BANP: variants seen among roughly 807,000 people sequenced by gnomAD.
BANP encodes the protein protein BANP.
In BANP, 11 loss-of-function variants were observed where a neutral mutation model predicts 68.1. That is an observed-to-expected ratio of 0.16 (90% CI 0.10 to 0.27). The LOEUF (loss-of-function observed/expected upper bound fraction) is 0.27, where lower values mean the gene tolerates loss of function less well. Among genes scored for constraint, BANP ranks in the 10% least tolerant of loss-of-function variants. The pLI is 1.00. For missense variants in BANP, 504 were observed against 722.7 expected (o/e 0.70, Z 3.47); for synonymous variants, 329 against 303.2 (o/e 1.09, Z -0.88).
At chr16:87,976,894 C>T (rs1056154650) in intron 2 of BANP, among the ~76,000 whole-genome samples, 1 of 152,184 alleles carries the variant, frequency 6.6e-6, no homozygotes, top group Non-Finnish European at 1.5e-5. Context: ...ATGACAGTTT[C>T]TTTAGAAAAC....
At chr16:88,046,709 G>A (rs941662037) in intron 11 of BANP, among the ~76,000 whole-genome samples, 12 of 151,006 alleles carry the variant, frequency 7.9e-5, no homozygotes, top group Admixed American at 4.0e-4. Flanking sequence ...CACCGCACCC[G>A]GCTAATTTTT....
chr16:87,957,303 C>T lies in BANP; in HGVS notation c.-69+5788C>T, dbSNP rs865799161. Among the ~76,000 whole-genome samples, 38 of 152,194 alleles carry T rather than the reference C, an allele frequency of 2.5e-4. No homozygotes were observed. Among genetic ancestry groups the T allele is most frequent in the African/African-American group, 8.7e-4 (36 of 41,524 alleles). On this transcript the variant is annotated intron_variant, in intron 1 of 13. Transcript: ENST00000682872. The surrounding 1 kb of genome is among the most constrained non-coding windows in gnomAD (Gnocchi z 4.3). ...TGTGGAAGGACACATGGAGCAGAGG[C>T]GGCTGAGGAGGTGAAAGGCTGAGAG...
chr16:88,035,127 C>T (rs780826664), intron 9 of BANP, 196 bp from the exon 10 acceptor site: 2 of 595,474 alleles, frequency 3.4e-6, no homozygotes, highest in Non-Finnish European at 6.0e-6. Flanking sequence ...TTGAAACCCT[C>T]ATGGATGAGG....
At chr16:88,040,227 A>ACCCCCTC in intron 11 of BANP, among the ~76,000 whole-genome samples, 1 of 149,076 alleles carries the variant, frequency 6.7e-6, no homozygotes, top group East Asian at 2.0e-4. Context: ...TGTGTAGCGA[A>ACCCCCTC]CCCCCTCGTT....
rs147505981 is a variant in BANP, at chr16:88,013,977, G to A, written c.656-4451G>A. Among the ~76,000 whole-genome samples, 3 of 152,316 alleles carry A rather than the reference G, an allele frequency of 2.0e-5. No homozygotes were observed. In the East Asian group the frequency reaches 5.8e-4, roughly 29 times the overall value. On this transcript the variant is annotated intron_variant, in intron 6 of 13. Coordinates refer to ENST00000682872, the MANE Select transcript of BANP (RefSeq NM_001386991.1). ...TGGCTGTGCTGAGCAGGAAGCGCAG[G>A]GCGTGGAGCTGTGAGCCGCAAACAC...
At chr16:88,060,675 G>A (rs1182312062) in intron 11 of BANP, among the ~76,000 whole-genome samples, 2 of 152,172 alleles carry the variant, frequency 1.3e-5, no homozygotes, top group Non-Finnish European at 2.9e-5. Flanking sequence ...TCTTCTCACC[G>A]TCAGCTCTGG....
intron 11 of BANP, among the ~76,000 whole-genome samples, chr16:88,038,764 TC>T (rs2080049352): frequency 6.6e-6 from 1 of 152,138 alleles, no homozygotes; most frequent in Non-Finnish European, 1.5e-5. Flanking sequence ...GGCTGTGTGT[TC>T]CTAGGTCCTG....
At chr16:88,046,609 C>T (rs1019743332) in intron 11 of BANP, among the ~76,000 whole-genome samples, 2 of 151,582 alleles carry the variant, frequency 1.3e-5, no homozygotes, top group Admixed American at 1.3e-4. Context: ...GCAGTGATGC[C>T]ATCTTGGCTC....
intron 2 of BANP, among the ~76,000 whole-genome samples, chr16:87,976,733 A>G (rs2062220841): frequency 6.6e-6 from 1 of 152,150 alleles, no homozygotes; most frequent in South Asian, 2.1e-4. Context: ...TAGTTGTATC[A>G]TGGAAGGGGA....
Position 87,996,252 on chromosome 16 carries a change from G to C in BANP, c.363-8043G>C, listed in dbSNP as rs1474970791. On this transcript the variant is annotated intron_variant, in intron 4 of 13. Transcript: ENST00000682872. ...CTTTCATGGAGCCTAGTCACCGCCT[G>C]AGACCGGGACCCACCTGGCGTCTCA... 3.9e-5 allele frequency among the ~76,000 whole-genome samples: 6 copies of C among 152,224 alleles called. No individual in the cohort carries two copies. The East Asian group carries it at 1.2e-3, about 29-fold the overall frequency.
chr16:88,010,716 A>G (rs1211769529), intron 6 of BANP, among the ~76,000 whole-genome samples: 1 of 151,526 alleles, frequency 6.6e-6, no homozygotes, highest in Admixed American at 6.6e-5. Flanking sequence ...AGTCACACAC[A>G]TCGCAGTCCA....
At chr16:88,056,116 G>T (rs1217028949) in intron 11 of BANP, among the ~76,000 whole-genome samples, 1 of 152,206 alleles carries the variant, frequency 6.6e-6, no homozygotes, top group African/African-American at 2.4e-5. Flanking sequence ...AAGGGAGGCC[G>T]TGGTGTCTCC....
chr16:87,952,876 G>A (rs1434429803), intron 1 of BANP: 2 of 152,168 alleles, frequency 1.3e-5, no homozygotes, highest in Non-Finnish European at 2.9e-5. Context: ...CCTGGCTCAA[G>A]TGATCCTCCC....
chr16:88,033,655 C>T (rs1393671452), intron 9 of BANP, among the ~76,000 whole-genome samples: 1 of 152,168 alleles, frequency 6.6e-6, no homozygotes, highest in Non-Finnish European at 1.5e-5. Context: ...CTTCTAGGAT[C>T]AGTGGCAAAA....
Position 88,071,055 on chromosome 16 carries a change from C to T in BANP, c.1378-1014C>T, listed in dbSNP as rs1168624210. Reference sequence around the variant, plus strand: ...TTGCGGGGGCCAAGTTTGCTCTGTGCAGTGCTGCTGTTGTCCAGGGCAGGT... The same window carrying T: ...TTGCGGGGGCCAAGTTTGCTCTGTGTAGTGCTGCTGTTGTCCAGGGCAGGT... On this transcript the variant is annotated intron_variant, in intron 12 of 13. Coordinates refer to ENST00000682872, the MANE Select transcript of BANP (RefSeq NM_001386991.1). The surrounding 1 kb of genome is among the most constrained non-coding windows in gnomAD (Gnocchi z 6.5). The T allele has an allele frequency of 4.4e-6, 1 of 226,180 alleles. No homozygotes were observed. Among genetic ancestry groups the T allele is most frequent in the Non-Finnish European group, 8.9e-6 (1 of 112,742 alleles). 14.0% of individuals were successfully genotyped at this position (226,180 alleles called of 1,614,324 possible).
chr16:88,046,445 C>A (rs572546642), intron 11 of BANP, among the ~76,000 whole-genome samples: 1 of 152,198 alleles, frequency 6.6e-6, no homozygotes, highest in South Asian at 2.1e-4. Context: ...CTCAGCATAA[C>A]GTGGACGTGC....
intron 11 of BANP, among the ~76,000 whole-genome samples, chr16:88,043,371 A>T (rs2081270350): frequency 1.3e-5 from 2 of 152,050 alleles, no homozygotes; most frequent in Non-Finnish European, 2.9e-5. Flanking sequence ...AGTTGTGGAG[A>T]AATGGCTCCT....
chr16:88,012,231 G>A (rs2073341117), intron 6 of BANP, among the ~76,000 whole-genome samples: 1 of 152,224 alleles, frequency 6.6e-6, no homozygotes, highest in Admixed American at 6.5e-5. Context: ...GCTGCCTTTA[G>A]GTTTGAATTC....
chr16:88,027,879 A>T (rs556134804), intron 8 of BANP, among the ~76,000 whole-genome samples: 1 of 152,360 alleles, frequency 6.6e-6, no homozygotes, highest in African/African-American at 2.4e-5. Context: ...TCCGTGAGGG[A>T]CAGAGGGCCT....
Sources: allele counts gnomAD v4.1 joint callset (sites outside exome capture counted in the v4.1 genomes callset), GRCh38; gene constraint gnomAD v4.1.1; non-coding constraint Gnocchi (gnomAD v3.1); transcripts MANE v1.5; gene names NCBI Gene and HGNC (gene_info 2026-07-23, HGNC 2026-07-21).